ATP10D: variants seen among roughly 807,000 people sequenced by gnomAD.
ATP10D encodes the protein phospholipid-transporting ATPase VD.
In ATP10D, 89 loss-of-function variants were observed where a neutral mutation model predicts 144.8. The ratio of observed to expected loss-of-function variants is 0.61; its 90% CI spans 0.52 to 0.73. The LOEUF is 0.73. Among genes scored for constraint, ATP10D ranks in the 30% least tolerant of loss-of-function variants. The pLI is 0.00. For synonymous variants in ATP10D, 571 were observed against 615.1 expected (o/e 0.93, Z 1.06); for missense variants, 1,603 against 1,714.8 (o/e 0.93, Z 1.15).
chr4:47,537,341 A>G (rs1717909914), intron 9 of ATP10D, among the ~76,000 whole-genome samples: 2 of 152,258 alleles, frequency 1.3e-5, no homozygotes, highest in South Asian at 4.1e-4. Context: ...TTGGTGCTTG[A>G]TTAAGAATAA....
At chr4:47,520,718 A>G (rs1367142909) in intron 3 of ATP10D, among the ~76,000 whole-genome samples, 5 of 151,896 alleles carry the variant, frequency 3.3e-5, no homozygotes, top group South Asian at 2.1e-4. Context: ...ACAGGCATGC[A>G]CCATCATACC....
intron 4 of ATP10D, among the ~76,000 whole-genome samples, chr4:47,524,759 A>G (rs543611596): frequency 1.4e-4 from 22 of 152,330 alleles, no homozygotes; most frequent in Non-Finnish European, 2.9e-4. Context: ...AGTTGTGAAG[A>G]AGAAATTAGC....
At chr4:47,543,132 T>C (rs1474885586) in intron 9 of ATP10D, among the ~76,000 whole-genome samples, 1 of 152,162 alleles carries the variant, frequency 6.6e-6, no homozygotes, top group Non-Finnish European at 1.5e-5. Flanking sequence ...TACAGTATAT[T>C]GTTATAATTA....
At chr4:47,587,393 G>A (rs60466355) in intron 22 of ATP10D, among the ~76,000 whole-genome samples, 187 bp downstream of exon 22, 80 of 152,168 alleles carry the variant, frequency 5.3e-4, no homozygotes, top group African/African-American at 1.8e-3. Flanking sequence ...TAAGCAAACC[G>A]AGAGACTGAT....
chr4:47,504,753 C>T (rs368729716), intron 1 of ATP10D, among the ~76,000 whole-genome samples: 65 of 152,096 alleles, frequency 4.3e-4, no homozygotes, highest in South Asian at 2.1e-3. Flanking sequence ...TTAGTAGAGA[C>T]GGGGTTTCAC....
intron 15 of ATP10D, 54 bp downstream of exon 15, chr4:47,563,819 A>G: frequency 7.0e-7 from 1 of 1,419,108 alleles, no homozygotes; most frequent in Non-Finnish European, 9.5e-7. Flanking sequence ...GCATTGGAAC[A>G]TTTGAGATTT....
intron 1 of ATP10D, among the ~76,000 whole-genome samples, chr4:47,499,972 T>G (rs973985781): frequency 6.6e-6 from 1 of 152,244 alleles, no homozygotes; most frequent in Non-Finnish European, 1.5e-5. Flanking sequence ...GCATGCATAA[T>G]AAGAGCTGTA....
chr4:47,537,605 A>G lies in ATP10D; in HGVS notation c.1396+667A>G, dbSNP rs542174076. Among the ~76,000 whole-genome samples, 9 of 152,304 alleles carry G rather than the reference A, an allele frequency of 5.9e-5. No individual in the cohort carries two copies. The South Asian group carries it at 1.4e-3, about 25-fold the overall frequency. ...TTTATGCATATTTCTCTATATGTGA[A>G]CATATATTTACACATTTTCCCTTTT... On this transcript the variant is annotated intron_variant, in intron 9 of 22. Transcript: ENST00000273859.
chr4:47,564,248 A>T (rs1347006815), intron 15 of ATP10D, among the ~76,000 whole-genome samples: 1 of 152,074 alleles, frequency 6.6e-6, no homozygotes, highest in Non-Finnish European at 1.5e-5. Flanking sequence ...TTGTGCTTGG[A>T]AGGATGTCTA....
Position 47,576,675 on chromosome 4 carries a change from G to A in ATP10D, c.3367-98G>A, listed in dbSNP as rs1720259871. 3.6e-6 allele frequency: 4 copies of A among 1,109,940 alleles called. No homozygotes were observed. The South Asian group carries it at 5.5e-5, about 15-fold the overall frequency. 68.8% of individuals were successfully genotyped at this position (1,109,940 alleles called of 1,614,324 possible). The stretch of plus-strand genomic sequence containing the variant: ...TCTTATATAAGAAAACTACAGAGAG[G>A]CTGAGGTCACCCAGCTCAAAATGGC... On this transcript the variant is annotated intron_variant, in intron 18 of 22. Transcript: ENST00000273859.
At chr4:47,535,460 C>T (rs763808364) in intron 5 of ATP10D, 49 bp from the exon 6 acceptor site, 6 of 1,385,940 alleles carry the variant, frequency 4.3e-6, no homozygotes, top group Admixed American at 2.2e-5. Flanking sequence ...ATTTTTATAT[C>T]CCCACTTTTG....
chr4:47,589,103 TG>T (rs1403838562), intron 22 of ATP10D, among the ~76,000 whole-genome samples: 5 of 152,108 alleles, frequency 3.3e-5, no homozygotes, highest in Non-Finnish European at 5.9e-5. Context: ...ACTATGACTA[TG>T]GGATCATGGA....
At chr4:47,546,926 T>A in intron 10 of ATP10D, 64 bp downstream of exon 10, 1 of 1,463,348 alleles carries the variant, frequency 6.8e-7, no homozygotes, top group South Asian at 1.2e-5. Context: ...AACAGCCTTG[T>A]AATTATGATA....
At chr4:47,574,512 C>G (rs1720123858) in intron 18 of ATP10D, among the ~76,000 whole-genome samples, 1 of 152,090 alleles carries the variant, frequency 6.6e-6, no homozygotes, top group Non-Finnish European at 1.5e-5. Context: ...TGGATTCATT[C>G]CCCCAGAATA....
At chr4:47,515,149 C>T (rs1302177959) in intron 2 of ATP10D, among the ~76,000 whole-genome samples, 3 of 151,858 alleles carry the variant, frequency 2.0e-5, no homozygotes, top group East Asian at 1.9e-4. Context: ...TTAGTAGAGA[C>T]GGGGTTTTAC....
In ATP10D at chr4:47,569,188, C is replaced by T. The variant is rs767866497; in HGVS notation, c.3163+42C>T. 8 of 1,582,186 alleles carry T rather than the reference C, an allele frequency of 5.1e-6. No homozygotes were observed. In the Admixed American group the frequency reaches 5.1e-5, roughly 10 times the overall value. ...CTGAGTCCTGCTCTTCTCCCTTTCA[C>T]ACCACACCAGACACCGATCCTTCTG... On this transcript the variant is annotated intron_variant, in intron 16 of 22. Transcript: ENST00000273859.
Position 47,572,979 on chromosome 4 carries a change from T to C in ATP10D, c.3348T>C (p.Tyr1116=), listed in dbSNP as rs1472002151. ...CYTRLSNMIL[Y]FFYKNVAYVN... ...CACGGCTTTCCAACATGATTCTCTA[T>C]TTTTTCTATAAGAATGTGGTATGTA... The change falls in exon 18 of 23, where the codon TAT becomes TAC. Residue 1116 remains tyrosine (Y), a synonymous_variant. Transcript: ENST00000273859. The C allele has an allele frequency of 6.2e-7, 1 of 1,613,996 alleles. No individual in the cohort carries two copies. The highest frequency in any genetic ancestry group is 8.5e-7 in the Non-Finnish European group (1 of 1,179,982).
At chr4:47,554,493 A>G (rs1180841602) in intron 10 of ATP10D, among the ~76,000 whole-genome samples, 1 of 152,228 alleles carries the variant, frequency 6.6e-6, no homozygotes, top group Non-Finnish European at 1.5e-5. Flanking sequence ...TTAATAGTTA[A>G]GAGAGTCTCC....
intron 11 of ATP10D, among the ~76,000 whole-genome samples, chr4:47,555,554 T>C (rs951239982): frequency 6.6e-6 from 1 of 152,132 alleles, no homozygotes; most frequent in African/African-American, 2.4e-5. Context: ...GGAGGTGGGA[T>C]TTGAACCTAG....
Sources: gnomAD v4.1 joint callset for allele counts (sites outside exome capture counted in the v4.1 genomes callset) on GRCh38, gnomAD v4.1.1 for gene constraint, MANE v1.5 for transcripts, NCBI Gene and HGNC (gene_info 2026-07-23, HGNC 2026-07-21) for gene names.